The following LRRC4C variants were observed in gnomAD, a reference collection of about 807,000 sequenced individuals.
LRRC4C encodes leucine rich repeat containing 4C.
In LRRC4C, 5 loss-of-function variants were observed where a neutral mutation model predicts 33.6. That is an observed-to-expected ratio of 0.15 (90% confidence interval 0.08 to 0.31). The LOEUF (loss-of-function observed/expected upper bound fraction) is 0.31, where lower values mean the gene tolerates loss of function less well. Ranked by LOEUF, LRRC4C falls within the 10% of genes least tolerant of loss-of-function variation. The pLI is 1.00. For synonymous variants in LRRC4C, 329 were observed against 302.0 expected (o/e 1.09, Z -0.93); for missense variants, 560 against 796.7 (o/e 0.70, Z 3.58).
chr11:40,984,830 T>TA (rs946425930), intron 1 of LRRC4C, among the ~76,000 whole-genome samples: 15 of 138,318 alleles, frequency 1.1e-4, no homozygotes, highest in South Asian at 4.8e-4. Flanking sequence ...ATGATTGGTA[T>TA]AAAAAAAACT....
intron 3 of LRRC4C, among the ~76,000 whole-genome samples, chr11:40,348,139 T>TTAA (rs982688565): frequency 6.6e-6 from 1 of 151,998 alleles, no homozygotes; most frequent in Admixed American, 6.6e-5. Flanking sequence ...CATAACAGAT[T>TTAA]TAATAATAAT....
chr11:41,339,046 T>C (rs1435101317), intron 1 of LRRC4C, among the ~76,000 whole-genome samples: 2 of 152,204 alleles, frequency 1.3e-5, no homozygotes, highest in African/African-American at 4.8e-5. Flanking sequence ...TAGATTATTA[T>C]GTTTGAAAGA....
intron 1 of LRRC4C, among the ~76,000 whole-genome samples, chr11:41,434,718 C>A (rs186137738): frequency 6.6e-6 from 1 of 152,126 alleles, no homozygotes; most frequent in Non-Finnish European, 1.5e-5. Flanking sequence ...TTTCGGTAAG[C>A]AAGACTTCCT....
chr11:41,205,725 T>C (rs1472795215), intron 1 of LRRC4C, among the ~76,000 whole-genome samples: 3 of 152,200 alleles, frequency 2.0e-5, no homozygotes, highest in African/African-American at 7.2e-5. Flanking sequence ...TGATGCTTGC[T>C]ATGGACCCAG....
At chr11:41,190,190 T>G (rs939746950) in intron 1 of LRRC4C, among the ~76,000 whole-genome samples, 1 of 152,202 alleles carries the variant, frequency 6.6e-6, no homozygotes, top group African/African-American at 2.4e-5. Context: ...GGTCTACTTA[T>G]GCTGTTGCCC....
At chr11:40,780,440 A>C (rs1340736919) in intron 2 of LRRC4C, among the ~76,000 whole-genome samples, 1 of 152,168 alleles carries the variant, frequency 6.6e-6, no homozygotes, top group African/African-American at 2.4e-5. Context: ...CAGGAATAAG[A>C]AAGATCTTGA....
chr11:41,275,242 C>T (rs770821309), intron 1 of LRRC4C, among the ~76,000 whole-genome samples: 6 of 152,194 alleles, frequency 3.9e-5, no homozygotes, highest in Admixed American at 2.6e-4. Context: ...TTATGAATTA[C>T]CCAGTCTCAA....
chr11:40,885,806 C>T (rs1955427654), intron 2 of LRRC4C, among the ~76,000 whole-genome samples: 1 of 152,180 alleles, frequency 6.6e-6, no homozygotes, highest in African/African-American at 2.4e-5. Flanking sequence ...TTGGCCTCTA[C>T]CCTGTACCAG....
At chr11:41,076,683 A>G (rs1366284885) in intron 1 of LRRC4C, among the ~76,000 whole-genome samples, 2 of 152,018 alleles carry the variant, frequency 1.3e-5, no homozygotes, top group Non-Finnish European at 2.9e-5. Context: ...GAGCCAAACC[A>G]CATCATTTTG....
chr11:41,159,980 C>T (rs1944395417), intron 1 of LRRC4C, among the ~76,000 whole-genome samples: 1 of 151,870 alleles, frequency 6.6e-6, no homozygotes, highest in South Asian at 2.1e-4. Context: ...AAGAAAACTC[C>T]AGAAAATAGA....
At chr11:40,866,621 C>A (rs1359959463) in intron 2 of LRRC4C, among the ~76,000 whole-genome samples, 3 of 152,048 alleles carry the variant, frequency 2.0e-5, no homozygotes, top group Non-Finnish European at 4.4e-5. Context: ...TGATCAAGAG[C>A]TTGGGAGTCA....
At chr11:40,892,799 T>C (rs899902983) in intron 2 of LRRC4C, among the ~76,000 whole-genome samples, 2 of 152,186 alleles carry the variant, frequency 1.3e-5, no homozygotes, top group Admixed American at 1.3e-4. Context: ...ATATAAGTTA[T>C]TGTTTAATGA....
chr11:40,377,338 A>G (rs1340303799), intron 3 of LRRC4C, among the ~76,000 whole-genome samples: 1 of 152,178 alleles, frequency 6.6e-6, no homozygotes, highest in African/African-American at 2.4e-5. Flanking sequence ...TATACTATAT[A>G]GTGTACATCC....
intron 1 of LRRC4C, among the ~76,000 whole-genome samples, chr11:41,330,558 T>C (rs1264362126): frequency 2.0e-5 from 3 of 152,050 alleles, no homozygotes; most frequent in Admixed American, 2.0e-4. Flanking sequence ...GAATGTCTGC[T>C]CAGATGCAGA....
At chr11:41,286,050 C>T (rs1227395545) in intron 1 of LRRC4C, among the ~76,000 whole-genome samples, 2 of 151,986 alleles carry the variant, frequency 1.3e-5, no homozygotes, top group Non-Finnish European at 2.9e-5. Flanking sequence ...AGGATGGACT[C>T]GATCTCCTGA....
chr11:40,947,648 G>A (rs1034997888), intron 1 of LRRC4C, among the ~76,000 whole-genome samples: 2 of 152,004 alleles, frequency 1.3e-5, no homozygotes, highest in African/African-American at 4.8e-5. Context: ...GAACAGCTGA[G>A]AAGGAACGTG....
intron 3 of LRRC4C, among the ~76,000 whole-genome samples, chr11:40,604,465 T>C (rs1320507991): frequency 6.6e-6 from 1 of 152,118 alleles, no homozygotes; most frequent in African/African-American, 2.4e-5. Context: ...ATCTCTAATA[T>C]GAGGTGAGAA....
At chr11:40,450,897 A>G (rs1384969860) in intron 3 of LRRC4C, among the ~76,000 whole-genome samples, 13 of 152,006 alleles carry the variant, frequency 8.6e-5, no homozygotes, top group Admixed American at 8.5e-4. Flanking sequence ...GTTAAACAAT[A>G]CACTTCTACG....
chr11:41,095,548 G>T (rs1256813920), intron 1 of LRRC4C, among the ~76,000 whole-genome samples: 3 of 152,158 alleles, frequency 2.0e-5, no homozygotes, highest in Admixed American at 1.3e-4. Context: ...ATGGTTCAGT[G>T]CACTTTGACA....
Sources: allele counts gnomAD v4.1 joint callset (sites outside exome capture counted in the v4.1 genomes callset), GRCh38; gene constraint gnomAD v4.1.1; transcripts MANE v1.5; gene names NCBI Gene and HGNC (gene_info 2026-07-23, HGNC 2026-07-21).